GSDME: variants seen among roughly 807,000 people sequenced by gnomAD.
GSDME encodes the protein gasdermin-E.
Under a neutral mutation model 47.5 loss-of-function variants are expected in GSDME, and 44 were observed. That is an observed-to-expected ratio of 0.93 (90% CI 0.73 to 1.19). The LOEUF is 1.19. GSDME is among the 50% of genes most tolerant of loss of function. The pLI is 0.00. For missense variants in GSDME, 663 were observed against 604.2 expected (o/e 1.10, Z -1.02); for synonymous variants, 258 against 252.8 (o/e 1.02, Z -0.20).
rs1790053154 is a variant in GSDME, at chr7:24,728,823, C to T, written c.405-9605G>A. On this transcript the variant is annotated intron_variant, in intron 3 of 9. Coordinates refer to ENST00000645220, the MANE Select transcript of GSDME (RefSeq NM_001127453.2). This position sits in a 1 kb window ranked among gnomAD's most constrained non-coding sequence, Gnocchi z 7.2. ...GGCAGGAAATCTCTAGAAACCTCAA[C>T]TCCTGTGCCCTGGGCCTCCACTTCC... 6.6e-6 allele frequency among the ~76,000 whole-genome samples: 1 copy of T among 152,224 alleles called. No individual in the cohort carries two copies. The highest frequency in any genetic ancestry group is 1.5e-5 in the Non-Finnish European group (1 of 68,044).
At chr7:24,790,430 A>G in the GSDME span, among the ~76,000 whole-genome samples, 1 of 152,226 alleles carries the variant, frequency 6.6e-6, no homozygotes, top group Non-Finnish European at 1.5e-5. This position sits in a 1 kb window ranked among gnomAD's most constrained non-coding sequence, Gnocchi z 4.1. Context: ...CACGGGAAGC[A>G]TAGACAGGGA....
At chr7:24,787,340 C>T in the GSDME span, among the ~76,000 whole-genome samples, 1 of 152,194 alleles carries the variant, frequency 6.6e-6, no homozygotes, top group South Asian at 2.1e-4. The surrounding 1 kb of genome is among the most constrained non-coding windows in gnomAD (Gnocchi z 5.0). Flanking sequence ...AAAAGAAGCA[C>T]ATCGTTGTAA....
chr7:24,726,805 CA>C lies in GSDME; in HGVS notation c.405-7588del, dbSNP rs11358953. 0.35 allele frequency among the ~76,000 whole-genome samples: 33,473 copies of C among 96,684 alleles called. 3,403 individuals are homozygous for C. The highest frequency in any genetic ancestry group is 0.42 in the South Asian group (1,147 of 2,746). 63.4% of individuals were successfully genotyped at this position (96,684 alleles called of 152,430 possible). A position where few individuals can be genotyped will look rare whatever the true frequency, so the allele number is the denominator to read the frequency against. On this transcript the variant is annotated intron_variant, in intron 3 of 9. Transcript: ENST00000645220. The surrounding 1 kb of genome is among the most constrained non-coding windows in gnomAD (Gnocchi z 5.6). Reference sequence around the variant, plus strand: ...CGGGGGACAGAGCGAGACTCCGTCTCAAAAAAAAAAAAAAAAAACCAATGGC... The same window carrying C: ...CGGGGGACAGAGCGAGACTCCGTCTCAAAAAAAAAAAAAAAAACCAATGGC...
rs1165416964 is a variant in GSDME at position 24,736,667 on chromosome 7, A to G, written c.404+7895T>C. On this transcript the variant is annotated intron_variant, in intron 3 of 9. Transcript: ENST00000645220. This position sits in a 1 kb window ranked among gnomAD's most constrained non-coding sequence, Gnocchi z 4.6. Reference sequence around the variant, plus strand: ...CTGCACTACAGACCAAACAGACCCAATAGATATATACAGAACATTTCATCC... The same window carrying G: ...CTGCACTACAGACCAAACAGACCCAGTAGATATATACAGAACATTTCATCC... 6.6e-6 allele frequency among the ~76,000 whole-genome samples: 1 copy of G among 152,220 alleles called. No individual in the cohort carries two copies. The highest frequency in any genetic ancestry group is 1.5e-5 in the Non-Finnish European group (1 of 68,030).
At chr7:24,709,211 C>T (rs79254522) in intron 6 of GSDME, among the ~76,000 whole-genome samples, 2,776 of 152,312 alleles carry the variant, frequency 0.018, 93 homozygotes, top group African/African-American at 0.064. Flanking sequence ...GCTCCCACTG[C>T]ACCCCTGCTG....
chr7:24,718,906 A>G, intron 4 of GSDME, 141 bp downstream of exon 4: 2 of 953,708 alleles, frequency 2.1e-6, no homozygotes, highest in East Asian at 2.5e-5. Flanking sequence ...ACTCTTGCTC[A>G]TTTAAGACAA....
Position 24,742,462 on chromosome 7 carries a change from T to A in GSDME, c.404+2100A>T, listed in dbSNP as rs1790522372. ...AGGTGCTCTGCGGATGCTCCTTTCC[T>A]TTCCCTCCCCCACTCCCTCTTCCTC... On this transcript the variant is annotated intron_variant, in intron 3 of 9. Transcript: ENST00000645220. The surrounding 1 kb of genome is among the most constrained non-coding windows in gnomAD (Gnocchi z 4.4). Among the ~76,000 whole-genome samples, 4 of 152,168 alleles carry A rather than the reference T, an allele frequency of 2.6e-5. No individual in the cohort carries two copies.
At chr7:24,747,443 C>G (rs1326831696) in intron 2 of GSDME, among the ~76,000 whole-genome samples, 1 of 152,148 alleles carries the variant, frequency 6.6e-6, no homozygotes, top group African/African-American at 2.4e-5. Context: ...AATTCTAGAG[C>G]TGAAAGAGGA....
Position 24,731,026 on chromosome 7 carries a change from G to GA in GSDME, c.405-11809dup, listed in dbSNP as rs200976752. ...CAAGACCAGGAGACAGAATAATTTA[G>GA]AAAAAAATTAATAAATTGGCAGAAT... On this transcript the variant is annotated intron_variant, in intron 3 of 9. Coordinates refer to ENST00000645220, the MANE Select transcript of GSDME (RefSeq NM_001127453.2). 4.0e-4 allele frequency among the ~76,000 whole-genome samples: 61 copies of GA among 152,112 alleles called. 2 individuals carry two copies. The South Asian group carries it at 6.2e-3, about 16-fold the overall frequency.
chr7:24,780,172 C>T, the GSDME span, among the ~76,000 whole-genome samples: 1 of 152,188 alleles, frequency 6.6e-6, no homozygotes, highest in Admixed American at 6.5e-5. This position sits in a 1 kb window ranked among gnomAD's most constrained non-coding sequence, Gnocchi z 4.1. Flanking sequence ...TCTGGCAGGT[C>T]CCATGCAAAG....
In GSDME at chr7:24,698,976, C is replaced by A; in HGVS notation, c.*50G>T. Reference sequence around the variant, plus strand: ...AACGTGCATATGACCTTTAACAGTTCTGAAAAATAGCCTTGGCCAGTAACA... The same window carrying A: ...AACGTGCATATGACCTTTAACAGTTATGAAAAATAGCCTTGGCCAGTAACA... On this transcript the variant is annotated 3_prime_UTR_variant, in exon 10 of 10. Transcript: ENST00000645220. The A allele has an allele frequency of 7.7e-7, 1 of 1,304,348 alleles. No individual in the cohort carries two copies. Among genetic ancestry groups the A allele is most frequent in the South Asian group, 1.2e-5 (1 of 81,334 alleles). 80.8% of individuals were successfully genotyped at this position (1,304,348 alleles called of 1,614,324 possible).
At position 24,757,131 on chromosome 7, in the gene GSDME, T is replaced by C. The variant is rs1379396908; in HGVS notation, c.-20+265A>G. Among the ~76,000 whole-genome samples the C allele has an allele frequency of 6.6e-6, 1 of 151,534 alleles. No individual in the cohort carries two copies. The highest frequency in any genetic ancestry group is 1.5e-5 in the Non-Finnish European group (1 of 67,826). On this transcript the variant is annotated intron_variant, in intron 1 of 9. Transcript: ENST00000645220. The surrounding 1 kb of genome is among the most constrained non-coding windows in gnomAD (Gnocchi z 5.9). The stretch of plus-strand genomic sequence containing the variant: ...CGGGGAGAGGATGGGAAGGGGATGC[T>C]GACTGCGAGTTGGGGCGGGACGCGG...
chr7:24,759,998 C>T (rs1329286524), upstream of GSDME, among the ~76,000 whole-genome samples: 2 of 152,190 alleles, frequency 1.3e-5, no homozygotes, highest in Non-Finnish European at 2.9e-5. Context: ...AAACGTGGAA[C>T]TCCAATCTTC....
In GSDME at chr7:24,739,488, A is replaced by G. The variant is rs1347261047; in HGVS notation, c.404+5074T>C. 6.6e-6 allele frequency among the ~76,000 whole-genome samples: 1 copy of G among 152,116 alleles called. No individual in the cohort carries two copies. The highest frequency in any genetic ancestry group is 2.4e-5 in the African/African-American group (1 of 41,426). On this transcript the variant is annotated intron_variant, in intron 3 of 9. Coordinates refer to ENST00000645220, the MANE Select transcript of GSDME (RefSeq NM_001127453.2). This position sits in a 1 kb window ranked among gnomAD's most constrained non-coding sequence, Gnocchi z 5.1. ...AAGACAGGCAATAAAAACTGCTGAT[A>G]AGAATGTGGAAAAAAAGGGAATGCC...
chr7:24,706,634 G>A (rs1789119281), intron 7 of GSDME, among the ~76,000 whole-genome samples: 1 of 152,150 alleles, frequency 6.6e-6, no homozygotes, highest in Non-Finnish European at 1.5e-5. Flanking sequence ...CCAGGGCAGG[G>A]TCTGTTGGGT....
At chr7:24,786,553 A>G in the GSDME span, among the ~76,000 whole-genome samples, 1 of 152,230 alleles carries the variant, frequency 6.6e-6, no homozygotes, top group Non-Finnish European at 1.5e-5. This position sits in a 1 kb window ranked among gnomAD's most constrained non-coding sequence, Gnocchi z 5.5. Context: ...AACTCACACT[A>G]CAACTCAGAA....
chr7:24,790,407 A>G, the GSDME span, among the ~76,000 whole-genome samples: 54 of 152,178 alleles, frequency 3.5e-4, no homozygotes, highest in African/African-American at 1.1e-3. The surrounding 1 kb of genome is among the most constrained non-coding windows in gnomAD (Gnocchi z 4.1). Context: ...ACCTATAGCT[A>G]TGCTTCTCTT....
At chr7:24,793,501 A>G in the GSDME span, among the ~76,000 whole-genome samples, 3 of 152,192 alleles carry the variant, frequency 2.0e-5, no homozygotes, top group Admixed American at 6.5e-5. Flanking sequence ...TACTAAAAAT[A>G]TATTTTACTT....
At chr7:24,717,403 G>C in intron 4 of GSDME, 29 bp from the exon 5 acceptor site, 9 of 1,613,986 alleles carry the variant, frequency 5.6e-6, no homozygotes, top group Non-Finnish European at 7.6e-6. Context: ...ACTCCCACCT[G>C]TGCACTCGGG....
Sources: allele counts gnomAD v4.1 joint callset (sites outside exome capture counted in the v4.1 genomes callset), GRCh38; gene constraint gnomAD v4.1.1; non-coding constraint Gnocchi (gnomAD v3.1); transcripts MANE v1.5; gene names NCBI Gene and HGNC (gene_info 2026-07-23, HGNC 2026-07-21).